ELF1: variants seen among roughly 807,000 people sequenced by gnomAD.
ELF1 encodes E74 like ETS transcription factor 1, also known as ETS-related transcription factor Elf-1.
Under a neutral mutation model 59.9 loss-of-function variants are expected in ELF1, and 24 were observed. The observed-to-expected ratio is 0.40, with a 90% confidence interval of 0.29 to 0.56. The LOEUF (loss-of-function observed/expected upper bound fraction) is 0.56, where lower values mean the gene tolerates loss of function less well. ELF1 is among the 20% of genes least tolerant of loss of function. The pLI, the probability that ELF1 is intolerant of heterozygous loss-of-function variation, is 0.44. For missense variants in ELF1, 627 were observed against 742.2 expected, an observed-to-expected ratio of 0.84 and a Z score of 1.80; for synonymous variants, 248 against 266.2, an observed-to-expected ratio of 0.93 and a Z score of 0.67.
intron 4 of ELF1, among the ~76,000 whole-genome samples, chr13:40,950,681 C>T (rs1870796415): frequency 6.6e-6 from 1 of 152,228 alleles, no homozygotes; most frequent in South Asian, 2.1e-4. Context: ...TTCGCTATCA[C>T]TCTTGTGGCC....
intron 8 of ELF1, among the ~76,000 whole-genome samples, chr13:40,935,465 T>C (rs1205336389): frequency 6.6e-6 from 1 of 151,984 alleles, no homozygotes; most frequent in Non-Finnish European, 1.5e-5. Context: ...ATTGGCTTGG[T>C]GGAAAGATGA....
intron 2 of ELF1, among the ~76,000 whole-genome samples, chr13:40,962,812 T>C (rs528278131): frequency 5.3e-5 from 8 of 152,300 alleles, no homozygotes; most frequent in African/African-American, 1.7e-4. Context: ...CCTGATTTCA[T>C]GACCTTATTT....
At chr13:40,993,545 A>G (rs889606203) in intron 1 of ELF1, among the ~76,000 whole-genome samples, 2 of 152,098 alleles carry the variant, frequency 1.3e-5, no homozygotes, top group Non-Finnish European at 2.9e-5. Flanking sequence ...CAGTGGCATG[A>G]TCCTTGCTCA....
chr13:41,029,968 A>T (rs1394785013), intron 1 of ELF1, among the ~76,000 whole-genome samples: 1 of 152,182 alleles, frequency 6.6e-6, no homozygotes, highest in Non-Finnish European at 1.5e-5. Flanking sequence ...CAAATTAGAT[A>T]TGCAGTCCTG....
chr13:41,039,119 G>T (rs1876503644), intron 1 of ELF1, among the ~76,000 whole-genome samples: 1 of 151,698 alleles, frequency 6.6e-6, no homozygotes, highest in African/African-American at 2.4e-5. Context: ...TATAACCTAG[G>T]CCAGGTACAG....
At chr13:41,041,968 A>G (rs1328027534) in intron 1 of ELF1, among the ~76,000 whole-genome samples, 1 of 152,248 alleles carries the variant, frequency 6.6e-6, no homozygotes, top group Non-Finnish European at 1.5e-5. Flanking sequence ...CTGTTTAAGC[A>G]AAGTGTATAT....
intron 1 of ELF1, among the ~76,000 whole-genome samples, chr13:41,042,311 TTTTTA>T (rs1876647439): frequency 6.6e-6 from 1 of 151,790 alleles, no homozygotes; most frequent in African/African-American, 2.4e-5. Flanking sequence ...TTTCTTTTTT[TTTTTA>T]TTATTATTAT....
rs559880620 is a variant in ELF1, at chr13:40,974,853, G to T, written c.72+7130C>A. Among the ~76,000 whole-genome samples the T allele has an allele frequency of 2.3e-4, 35 of 152,298 alleles. 1 individual carries two copies. The highest frequency in any genetic ancestry group is 8.4e-4 in the African/African-American group (35 of 41,552). On this transcript the variant is annotated intron_variant, in intron 2 of 8. Transcript: ENST00000239882. ...CAAATGTTAGACCACAGGCAGGGTT[G>T]TTCCTTCACTTAACCTGAAGAGGGC...
At chr13:41,005,037 C>T (rs1215864121) in intron 1 of ELF1, among the ~76,000 whole-genome samples, 2 of 152,132 alleles carry the variant, frequency 1.3e-5, no homozygotes, top group Non-Finnish European at 2.9e-5. Flanking sequence ...TGACAGGAAG[C>T]ACAGAGTAAG....
At chr13:40,955,986 C>G (rs1386856994) in intron 3 of ELF1, among the ~76,000 whole-genome samples, 2 of 140,650 alleles carry the variant, frequency 1.4e-5, no homozygotes, top group East Asian at 2.1e-4. Context: ...CCGCCCCGTC[C>G]AGGAGGTGAG....
intron 1 of ELF1, among the ~76,000 whole-genome samples, chr13:41,040,984 C>G (rs146726294): frequency 1.1e-3 from 160 of 152,184 alleles, no homozygotes; most frequent in African/African-American, 3.8e-3. Flanking sequence ...ACCAGGAAAA[C>G]CTATTTTAGA....
At chr13:41,044,417 T>C (rs189756110) in intron 1 of ELF1, among the ~76,000 whole-genome samples, 69 of 152,280 alleles carry the variant, frequency 4.5e-4, no homozygotes, top group Non-Finnish European at 8.8e-5. Context: ...CATTATGATA[T>C]TGGCTGTGGG....
In ELF1 at chr13:40,966,733, C is replaced by G. The variant is rs77752196; in HGVS notation, c.73-7717G>C. Among the ~76,000 whole-genome samples, 246 of 152,266 alleles carry G rather than the reference C, an allele frequency of 1.6e-3. 1 individual carries two copies. Among genetic ancestry groups the G allele is most frequent in the African/African-American group, 5.4e-3 (226 of 41,560 alleles). ...CTTGTTTACCAAGTTTCTCTAATAGCAGAACTCAATCTGGTATATGGTGAT... is the reference window on the plus strand; with the variant it reads ...CTTGTTTACCAAGTTTCTCTAATAGGAGAACTCAATCTGGTATATGGTGAT... On this transcript the variant is annotated intron_variant, in intron 2 of 8. Transcript: ENST00000239882.
intron 7 of ELF1, 96 bp from the exon 8 acceptor site, chr13:40,941,466 G>A: frequency 8.8e-7 from 1 of 1,134,944 alleles, no homozygotes; most frequent in South Asian, 1.6e-5. Flanking sequence ...CTTTAAAGTT[G>A]GAATCAAACT....
intron 1 of ELF1, among the ~76,000 whole-genome samples, chr13:41,051,412 C>G (rs575410700): frequency 3.5e-3 from 539 of 152,086 alleles, no homozygotes; most frequent in African/African-American, 0.012. Context: ...CCCTTCCTTT[C>G]TATTTCAGCT....
At chr13:40,998,016 G>C (rs953731671) in intron 1 of ELF1, among the ~76,000 whole-genome samples, 1 of 152,066 alleles carries the variant, frequency 6.6e-6, no homozygotes, top group Non-Finnish European at 1.5e-5. Context: ...TGGGTGTGGT[G>C]GAGCCTGCAG....
rs1870135231 is a variant in ELF1, at chr13:40,941,096, C to A, written c.1081G>T (p.Val361Phe). 1.2e-6 allele frequency: 2 copies of A among 1,614,202 alleles called. No individual in the cohort carries two copies. The highest frequency in any genetic ancestry group is 1.1e-5 in the South Asian group (1 of 91,084). ...CTCAAAACTTCTGATGGTTGTGCAA[C>A]TTCCACAGGATCTTTGGGTTTTGCA... ...KAAKPKDPVE[V>F]AQPSEVLRTV... The change falls in exon 8 of 9, where the codon GTT becomes TTT. Residue 361 changes from valine to phenylalanine, a missense_variant. Coordinates refer to ENST00000239882, the MANE Select transcript of ELF1 (RefSeq NM_172373.4).
chr13:40,993,360 T>C, intron 1 of ELF1: 1 of 1,137,268 alleles, frequency 8.8e-7, no homozygotes, highest in Non-Finnish European at 1.3e-6. Flanking sequence ...ATTAGCCAGT[T>C]GCCTGCAGGT....
intron 1 of ELF1, among the ~76,000 whole-genome samples, chr13:40,999,798 G>C (rs1874322132): frequency 6.6e-6 from 1 of 151,994 alleles, no homozygotes; most frequent in Admixed American, 6.5e-5. Context: ...TTCTGCTCAG[G>C]GTGTGGCAAA....
Sources: allele counts gnomAD v4.1 joint callset (sites outside exome capture counted in the v4.1 genomes callset), GRCh38; gene constraint gnomAD v4.1.1; transcripts MANE v1.5; gene names NCBI Gene and HGNC (gene_info 2026-07-23, HGNC 2026-07-21).